Variants in PHACTR1 observed in about 807,000 individuals in gnomAD.
The protein encoded by PHACTR1 is phosphatase and actin regulator 1, also known as RPEL repeat containing 1.
PHACTR1 carries 16 observed loss-of-function variants against 69.2 expected under a neutral mutation model. The observed-to-expected ratio is 0.23, with a 90% CI of 0.16 to 0.35. The LOEUF (loss-of-function observed/expected upper bound fraction) is 0.35. Among genes scored for constraint, PHACTR1 ranks in the 10% least tolerant of loss-of-function variants. PHACTR1 has a pLI of 1.00. For missense variants in PHACTR1, 510 were observed against 734.7 expected (o/e 0.69, Z 3.54); for synonymous variants, 312 against 284.5 (o/e 1.10, Z -0.97).
At chr6:13,117,935 T>C (rs1240799274) in intron 5 of PHACTR1, among the ~76,000 whole-genome samples, 2 of 152,216 alleles carry the variant, frequency 1.3e-5, no homozygotes. Context: ...CACTCAACTT[T>C]TGCTTTTTAC....
At chr6:13,104,653 T>C (rs1441151703) in intron 5 of PHACTR1, among the ~76,000 whole-genome samples, 1 of 152,240 alleles carries the variant, frequency 6.6e-6, no homozygotes, top group African/African-American at 2.4e-5. Flanking sequence ...CATTGTTGTC[T>C]AGGAGATCCC....
rs77989711 is a variant in PHACTR1, at chr6:12,889,668, T to C, written c.250+139878T>C. The stretch of plus-strand genomic sequence containing the variant: ...GTTCATAGATTCATTTAACAAATGA[T>C]GTAACTGAAAGATGGACTTGAAATT... On this transcript the variant is annotated intron_variant, in intron 4 of 14. Coordinates refer to ENST00000332995, the MANE Select transcript of PHACTR1 (RefSeq NM_030948.6). Among the ~76,000 whole-genome samples, 38 of 152,310 alleles carry C rather than the reference T, an allele frequency of 2.5e-4. No individual in the cohort carries two copies. In the East Asian group the frequency reaches 6.9e-3, roughly 28 times the overall value.
chr6:13,026,788 C>A (rs1357038101), intron 4 of PHACTR1, among the ~76,000 whole-genome samples: 1 of 152,012 alleles, frequency 6.6e-6, no homozygotes, highest in African/African-American at 2.4e-5. Flanking sequence ...GTCCTCACCC[C>A]GTGCCCAGCC....
intron 3 of PHACTR1, among the ~76,000 whole-genome samples, chr6:12,740,741 G>A (rs1048553169): frequency 6.6e-6 from 1 of 151,178 alleles, no homozygotes; most frequent in South Asian, 2.1e-4. Flanking sequence ...TTTTTTTTAA[G>A]TAGGCATGTA....
intron 10 of PHACTR1, among the ~76,000 whole-genome samples, chr6:13,236,485 G>A (rs995833688): frequency 3.3e-5 from 5 of 152,118 alleles, no homozygotes; most frequent in South Asian, 2.1e-4. Flanking sequence ...TGAGGGCTGC[G>A]AGGGAGCATC....
At chr6:12,996,967 A>G (rs1313764358) in intron 4 of PHACTR1, among the ~76,000 whole-genome samples, 2 of 152,110 alleles carry the variant, frequency 1.3e-5, no homozygotes, top group Non-Finnish European at 2.9e-5. Context: ...GGAGTTTGAG[A>G]CCAGCCTGAC....
intron 6 of PHACTR1, among the ~76,000 whole-genome samples, chr6:13,180,012 A>G (rs991122860): frequency 3.3e-5 from 5 of 152,216 alleles, no homozygotes; most frequent in Non-Finnish European, 4.4e-5. Context: ...TCATAATAGC[A>G]TAAGTCTATC....
At chr6:13,146,540 A>C (rs995499098) in intron 5 of PHACTR1, among the ~76,000 whole-genome samples, 6 of 152,216 alleles carry the variant, frequency 3.9e-5, no homozygotes, top group Non-Finnish European at 8.8e-5. Flanking sequence ...GGGTTGATCC[A>C]ACCATGAGTC....
At chr6:13,145,284 T>C (rs1823163584) in intron 5 of PHACTR1, among the ~76,000 whole-genome samples, 1 of 152,246 alleles carries the variant, frequency 6.6e-6, no homozygotes, top group Non-Finnish European at 1.5e-5. Flanking sequence ...TTATCATATA[T>C]GTATACAAGA....
chr6:13,270,266 G>A (rs1372537755), intron 10 of PHACTR1, among the ~76,000 whole-genome samples: 2 of 152,220 alleles, frequency 1.3e-5, no homozygotes, highest in Non-Finnish European at 2.9e-5. Flanking sequence ...GGGGAGAGAG[G>A]CAGAGCTTCT....
chr6:12,718,536 G>A (rs1045687568), intron 2 of PHACTR1, 163 bp from the exon 3 acceptor site: 7 of 320,690 alleles, frequency 2.2e-5, no homozygotes, highest in East Asian at 2.0e-4. Flanking sequence ...TTTCTCACAC[G>A]GTAGGAAAGC....
At chr6:13,101,874 G>A in intron 5 of PHACTR1, among the ~76,000 whole-genome samples, 1 of 152,186 alleles carries the variant, frequency 6.6e-6, no homozygotes, top group East Asian at 1.9e-4. Flanking sequence ...TTAACTCAGG[G>A]AAGACCCACC....
At chr6:13,062,680 G>A (rs1435962985) in intron 5 of PHACTR1, among the ~76,000 whole-genome samples, 1 of 152,152 alleles carries the variant, frequency 6.6e-6, no homozygotes, top group Non-Finnish European at 1.5e-5. Context: ...CCTCTATCAG[G>A]AAACCCTAGC....
chr6:13,066,405 T>C (rs763858673), intron 5 of PHACTR1, among the ~76,000 whole-genome samples: 1 of 152,230 alleles, frequency 6.6e-6, no homozygotes, highest in African/African-American at 2.4e-5. Context: ...AGGGTACTTA[T>C]GGATGCGTAA....
chr6:13,077,091 T>TAA (rs555770797), intron 5 of PHACTR1, among the ~76,000 whole-genome samples: 13 of 72,474 alleles, frequency 1.8e-4, no homozygotes, highest in African/African-American at 6.0e-4. Context: ...TAAAGTATAA[T>TAA]AAAAAAAAAA....
intron 5 of PHACTR1, among the ~76,000 whole-genome samples, chr6:13,065,952 TAA>T (rs368922162): frequency 1.7e-4 from 23 of 136,850 alleles, no homozygotes; most frequent in South Asian, 2.4e-4. Flanking sequence ...ATTTCTTCTT[TAA>T]AAAAAAAAAA....
chr6:13,197,962 G>T (rs57445622), intron 7 of PHACTR1, among the ~76,000 whole-genome samples: 198 of 152,290 alleles, frequency 1.3e-3, no homozygotes, highest in African/African-American at 4.4e-3. Context: ...TCTGGGGTGG[G>T]CCCTGAGCAT....
intron 3 of PHACTR1, among the ~76,000 whole-genome samples, chr6:12,722,875 C>A (rs1048451357): frequency 6.6e-6 from 1 of 152,102 alleles, no homozygotes; most frequent in South Asian, 2.1e-4. Flanking sequence ...GGGAGTTCTG[C>A]GGAAGTCCCC....
At chr6:12,814,370 A>C (rs942191038) in intron 4 of PHACTR1, among the ~76,000 whole-genome samples, 2 of 152,222 alleles carry the variant, frequency 1.3e-5, no homozygotes, top group African/African-American at 4.8e-5. Flanking sequence ...CAAGAAGTAA[A>C]CAAAGACATT....
Sources: gnomAD v4.1 joint callset for allele counts (sites outside exome capture counted in the v4.1 genomes callset) on GRCh38, gnomAD v4.1.1 for gene constraint, MANE v1.5 for transcripts, NCBI Gene and HGNC (gene_info 2026-07-23, HGNC 2026-07-21) for gene names.